SENP6: variants seen among roughly 807,000 people sequenced by gnomAD.
The protein encoded by SENP6 is sentrin-specific protease 6.
In SENP6, 41 loss-of-function variants were observed where a neutral mutation model predicts 134.5. That is an observed-to-expected ratio of 0.30 (90% CI 0.24 to 0.40). The LOEUF (loss-of-function observed/expected upper bound fraction) is 0.40. Ranked by LOEUF, SENP6 falls within the 10% of genes least tolerant of loss-of-function variation. SENP6 has a pLI of 1.00. For synonymous variants in SENP6, 395 were observed against 429.8 expected, an observed-to-expected ratio of 0.92 and a Z score of 1.00; for missense variants, 1,248 against 1,312.5, an observed-to-expected ratio of 0.95 and a Z score of 0.76.
At chr6:75,609,127 G>C (rs1004821734) in intron 1 of SENP6, among the ~76,000 whole-genome samples, 3 of 78,538 alleles carry the variant, frequency 3.8e-5, no homozygotes, top group Non-Finnish European at 7.3e-5. Flanking sequence ...TTAAGTTATT[G>C]GGGAAGTCAG....
chr6:75,635,253 GTTAGAT>G lies in SENP6; in HGVS notation c.458+447_458+452del, dbSNP rs889393055. Among the ~76,000 whole-genome samples the G allele has an allele frequency of 3.5e-4, 53 of 152,222 alleles. 1 individual carries two copies. Among genetic ancestry groups the G allele is most frequent in the African/African-American group, 1.2e-3 (50 of 41,568 alleles). ...GAGAAAATGTTATTTTGTAGTTGTA[GTTAGAT>G]TTAGGAGTTCTCATTGATCTTGAAA... On this transcript the variant is annotated intron_variant, in intron 5 of 23. Coordinates refer to ENST00000447266, the MANE Select transcript of SENP6 (RefSeq NM_015571.4).
chr6:75,643,820 AAAAT>A (rs1770214828), intron 6 of SENP6, among the ~76,000 whole-genome samples: 3 of 152,240 alleles, frequency 2.0e-5, no homozygotes, highest in African/African-American at 7.2e-5. Flanking sequence ...TTTTAACTGT[AAAAT>A]AAATAAGACT....
intron 1 of SENP6, among the ~76,000 whole-genome samples, chr6:75,615,755 C>G (rs1767803642): frequency 6.6e-6 from 1 of 152,064 alleles, no homozygotes; most frequent in African/African-American, 2.4e-5. Context: ...TTATTTTCTG[C>G]AAAAGTTCAG....
intron 4 of SENP6, 143 bp downstream of exon 4, chr6:75,633,869 G>T: frequency 1.8e-6 from 1 of 542,304 alleles, no homozygotes; most frequent in Non-Finnish European, 3.0e-6. Context: ...CCCAGTATGT[G>T]GATTCTTTGC....
chr6:75,634,729 T>C lies in SENP6; in HGVS notation c.376T>C (p.Leu126=). The C allele has an allele frequency of 6.3e-7, 1 of 1,582,620 alleles. No homozygotes were observed. Among genetic ancestry groups the C allele is most frequent in the Non-Finnish European group, 8.5e-7 (1 of 1,171,926 alleles). Residue 126 remains leucine (L), a synonymous_variant, in exon 5 of 24, where the codon TTA becomes CTA. Transcript: ENST00000447266. ...KLSENTQNTS[L]CSGTVVHGRR... ...CAGTGAAAATACGCAAAATACGTCA[T>C]TATGTTCTGGAACTGTAGTTCATGG...
At chr6:75,711,886 T>C (rs1254632233) in intron 21 of SENP6, among the ~76,000 whole-genome samples, 1 of 152,230 alleles carries the variant, frequency 6.6e-6, no homozygotes, top group Non-Finnish European at 1.5e-5. Context: ...TTGGCAAGAC[T>C]GATCTCAAAC....
chr6:75,647,776 A>C lies in SENP6; in HGVS notation c.525A>C (p.Val175=). Residue 175 remains valine (V), a synonymous_variant, in exon 7 of 24, where the codon GTA becomes GTC. Coordinates refer to ENST00000447266, the MANE Select transcript of SENP6 (RefSeq NM_015571.4). ...TCCAAAAAGTTGAAATTAATCCTGT[A>C]AGGTTAAGTCGGCTCCAAGGTGTTG... ...PHVQKVEINP[V]RLSRLQGVER... is the part of the protein sequence containing the mutation. The C allele has an allele frequency of 3.1e-6, 5 of 1,612,974 alleles. No individual in the cohort carries two copies. The highest frequency in any genetic ancestry group is 4.2e-6 in the Non-Finnish European group (5 of 1,179,210).
At chr6:75,651,149 C>G (rs1262501396) in intron 7 of SENP6, among the ~76,000 whole-genome samples, 1 of 152,002 alleles carries the variant, frequency 6.6e-6, no homozygotes. Context: ...GAATAACAAC[C>G]GTTAAGATCT....
intron 8 of SENP6, among the ~76,000 whole-genome samples, chr6:75,662,405 G>A (rs1771855675): frequency 6.6e-6 from 1 of 152,008 alleles, no homozygotes; most frequent in Admixed American, 6.6e-5. Flanking sequence ...AATGTGTTGG[G>A]CTTACAGACC....
chr6:75,635,035 T>C (rs1277633060), intron 5 of SENP6: 1 of 609,246 alleles, frequency 1.6e-6, no homozygotes, highest in South Asian at 1.6e-5. Flanking sequence ...ACCTGTTGTA[T>C]TGCATTATAA....
At chr6:75,686,417 T>C (rs1367790984) in intron 16 of SENP6, among the ~76,000 whole-genome samples, 3 of 152,222 alleles carry the variant, frequency 2.0e-5, no homozygotes, top group Non-Finnish European at 4.4e-5. Context: ...CATTGTTATG[T>C]GTGAATTTGA....
chr6:75,634,229 A>G (rs1582720066), intron 4 of SENP6, among the ~76,000 whole-genome samples: 1 of 152,164 alleles, frequency 6.6e-6, no homozygotes, highest in African/African-American at 2.4e-5. Flanking sequence ...AAGTACATAA[A>G]AGCTCAGTAA....
intron 16 of SENP6, among the ~76,000 whole-genome samples, chr6:75,694,258 T>C (rs1489887275): frequency 6.6e-6 from 1 of 152,166 alleles, no homozygotes; most frequent in Non-Finnish European, 1.5e-5. Context: ...GAAACTCTTA[T>C]CTCAAAAAAA....
chr6:75,609,409 T>C (rs931776232), intron 1 of SENP6, among the ~76,000 whole-genome samples: 2 of 152,216 alleles, frequency 1.3e-5, no homozygotes, highest in Non-Finnish European at 2.9e-5. Flanking sequence ...AAATTTACAG[T>C]GTTAACGTCT....
intron 9 of SENP6, among the ~76,000 whole-genome samples, chr6:75,666,183 GAT>G (rs200669353): frequency 3.6e-5 from 3 of 83,690 alleles, no homozygotes; most frequent in Non-Finnish European, 7.5e-5. Context: ...ACGTATATAT[GAT>G]ATATATAAAA....
intron 1 of SENP6, among the ~76,000 whole-genome samples, chr6:75,607,752 C>G (rs1194703798): frequency 6.6e-6 from 1 of 152,192 alleles, no homozygotes. Flanking sequence ...TTGTTCTCTA[C>G]AGATACCAGC....
intron 2 of SENP6, among the ~76,000 whole-genome samples, chr6:75,623,515 A>C (rs370872779): frequency 6.6e-6 from 1 of 152,040 alleles, no homozygotes; most frequent in African/African-American, 2.4e-5. Flanking sequence ...TTGTTTCTCT[A>C]TCTTTCTACC....
chr6:75,602,015 C>T lies in SENP6; in HGVS notation c.-510C>T. 6.5e-6 allele frequency: 1 copy of T among 154,350 alleles called. No individual in the cohort carries two copies. Among genetic ancestry groups the T allele is most frequent in the Admixed American group, 6.5e-5 (1 of 15,332 alleles). 9.6% of individuals were successfully genotyped at this position (154,350 alleles called of 1,614,324 possible). A position where few individuals can be genotyped will look rare whatever the true frequency, so the allele number is the denominator to read the frequency against. ...GGGCGGGGTGGGCGGACGGCCGTAG[C>T]GGCGGCGGCTGCAGAACGAGCTAGG... On this transcript the variant is annotated 5_prime_UTR_variant, in exon 1 of 24. Coordinates refer to ENST00000447266, the MANE Select transcript of SENP6 (RefSeq NM_015571.4).
chr6:75,711,274 ATTAG>A, intron 20 of SENP6, 50 bp from the exon 21 acceptor site: 1 of 1,280,810 alleles, frequency 7.8e-7, no homozygotes, highest in Non-Finnish European at 1.1e-6. Flanking sequence ...TTGTTAGGTT[ATTAG>A]TTATTTAGAT....
Sources: gnomAD v4.1 joint callset for allele counts (sites outside exome capture counted in the v4.1 genomes callset) on GRCh38, gnomAD v4.1.1 for gene constraint, MANE v1.5 for transcripts, NCBI Gene and HGNC (gene_info 2026-07-23, HGNC 2026-07-21) for gene names.